The following LRRTM3 variants were observed in gnomAD, a reference collection of about 807,000 sequenced individuals.
LRRTM3 encodes leucine-rich repeat transmembrane neuronal protein 3.
A neutral mutation model predicts 44.7 loss-of-function variants in LRRTM3; 24 were observed. The observed-to-expected ratio is 0.54, with a 90% confidence interval of 0.39 to 0.76. LRRTM3 has a LOEUF of 0.76. Ranked by LOEUF, LRRTM3 falls within the 30% of genes least tolerant of loss-of-function variation. The pLI is 0.00. For synonymous variants in LRRTM3, 277 were observed against 278.7 expected, an observed-to-expected ratio of 0.99 and a Z score of 0.06; for missense variants, 587 against 702.2, an observed-to-expected ratio of 0.84 and a Z score of 1.85.
At chr10:67,043,745 G>C (rs558071029) in intron 2 of LRRTM3, among the ~76,000 whole-genome samples, 4 of 152,078 alleles carry the variant, frequency 2.6e-5, no homozygotes, top group South Asian at 4.1e-4. Context: ...ATTGGTATTT[G>C]TGCTTTGTTC....
At position 67,089,925 on chromosome 10, in the gene LRRTM3, C is replaced by A. The variant is rs1273768144; in HGVS notation, c.1537-7662C>A. Among the ~76,000 whole-genome samples the A allele has an allele frequency of 3.9e-5, 6 of 152,056 alleles. No individual in the cohort carries two copies. The South Asian group carries it at 6.2e-4, about 16-fold the overall frequency. The stretch of plus-strand genomic sequence containing the variant: ...TTCCCAGTCCTGTACTTCTGCAGCA[C>A]CTGCCTAGCTATGTTTTACATAAAG... On this transcript the variant is annotated intron_variant, in intron 2 of 2. Transcript: ENST00000361320.
chr10:67,058,845 C>A (rs1336388737), intron 2 of LRRTM3, among the ~76,000 whole-genome samples: 1 of 152,162 alleles, frequency 6.6e-6, no homozygotes, highest in Non-Finnish European at 1.5e-5. Context: ...TTCTTAGACA[C>A]ATATCAATTT....
chr10:66,958,677 CAT>C (rs780667833), intron 2 of LRRTM3, among the ~76,000 whole-genome samples: 5 of 152,082 alleles, frequency 3.3e-5, no homozygotes, highest in Non-Finnish European at 7.4e-5. Context: ...GCCAATAACA[CAT>C]GTTAAAATTC....
intron 2 of LRRTM3, among the ~76,000 whole-genome samples, chr10:67,011,024 T>C (rs1852293749): frequency 6.6e-6 from 1 of 152,098 alleles, no homozygotes; most frequent in African/African-American, 2.4e-5. Context: ...GAAATTAAGA[T>C]TATTTGTCAA....
At chr10:67,080,292 G>T (rs929806146) in intron 2 of LRRTM3, among the ~76,000 whole-genome samples, 1 of 152,170 alleles carries the variant, frequency 6.6e-6, no homozygotes, top group Non-Finnish European at 1.5e-5. Flanking sequence ...GGTGGAAAGA[G>T]AAGTATCAGC....
At chr10:67,041,717 G>C (rs1854405371) in intron 2 of LRRTM3, among the ~76,000 whole-genome samples, 1 of 152,084 alleles carries the variant, frequency 6.6e-6, no homozygotes, top group Non-Finnish European at 1.5e-5. Flanking sequence ...ATAAAATTGA[G>C]TTCTTACCAT....
intron 2 of LRRTM3, among the ~76,000 whole-genome samples, chr10:66,957,397 T>C (rs1589490356): frequency 2.7e-5 from 1 of 36,834 alleles, no homozygotes; most frequent in East Asian, 5.0e-4. Flanking sequence ...TATATACATA[T>C]ATATATATAT....
In LRRTM3 at chr10:67,100,242, A is replaced by C. The variant is rs191382962; in HGVS notation, c.*2446A>C. The stretch of plus-strand genomic sequence containing the variant: ...AATTCATCTAAAGTGAACGACTATA[A>C]ATAGAAGCAATCACCTTGGAACCAC... On this transcript the variant is annotated 3_prime_UTR_variant, in exon 3 of 3. Transcript: ENST00000361320. Among the ~76,000 whole-genome samples the C allele has an allele frequency of 5.3e-4, 81 of 151,830 alleles. No individual in the cohort carries two copies. Among genetic ancestry groups the C allele is most frequent in the Non-Finnish European group, 1.1e-3 (75 of 67,778 alleles).
chr10:67,078,735 C>T (rs1289367874), intron 2 of LRRTM3, among the ~76,000 whole-genome samples: 2 of 152,078 alleles, frequency 1.3e-5, no homozygotes, highest in African/African-American at 2.4e-5. Context: ...CCAGGATGGT[C>T]TCAATCTCCT....
intron 2 of LRRTM3, among the ~76,000 whole-genome samples, chr10:67,000,791 G>A (rs577046134): frequency 3.3e-5 from 5 of 152,240 alleles, no homozygotes; most frequent in Admixed American, 3.3e-4. Flanking sequence ...AGCGCATTAT[G>A]AAGAGTAGAG....
chr10:67,037,911 AC>A (rs1446812220), intron 2 of LRRTM3, among the ~76,000 whole-genome samples: 2 of 152,144 alleles, frequency 1.3e-5, no homozygotes, highest in Non-Finnish European at 2.9e-5. Flanking sequence ...AAGGTCCAGG[AC>A]AGAAACCCAG....
chr10:67,095,679 T>C (rs1323717212), intron 2 of LRRTM3, among the ~76,000 whole-genome samples: 1 of 151,968 alleles, frequency 6.6e-6, no homozygotes, highest in East Asian at 1.9e-4. Context: ...GAAATGATTC[T>C]GCATATATGA....
intron 2 of LRRTM3, among the ~76,000 whole-genome samples, chr10:67,027,519 C>G (rs1292065032): frequency 6.6e-6 from 1 of 150,686 alleles, no homozygotes; most frequent in Non-Finnish European, 1.5e-5. Context: ...ACTGCAACCT[C>G]TGCTTCCTGG....
At chr10:66,973,294 A>T (rs1419883769) in intron 2 of LRRTM3, among the ~76,000 whole-genome samples, 2 of 152,216 alleles carry the variant, frequency 1.3e-5, no homozygotes. Flanking sequence ...ATTGACAATT[A>T]GAAGAAAATT....
intron 2 of LRRTM3, among the ~76,000 whole-genome samples, chr10:67,078,174 C>A (rs1215523880): frequency 6.6e-6 from 1 of 152,162 alleles, no homozygotes; most frequent in Non-Finnish European, 1.5e-5. Context: ...TAAAAGAACA[C>A]CACTTTTAGG....
chr10:67,020,483 A>C (rs1430962056), intron 2 of LRRTM3, among the ~76,000 whole-genome samples: 1 of 152,202 alleles, frequency 6.6e-6, no homozygotes, highest in African/African-American at 2.4e-5. Context: ...GTTCACTTAC[A>C]GAGTCTAACA....
At chr10:67,034,402 GCTGATATTC>G (rs1163278225) in intron 2 of LRRTM3, among the ~76,000 whole-genome samples, 2 of 152,142 alleles carry the variant, frequency 1.3e-5, no homozygotes, top group African/African-American at 4.8e-5. Context: ...CCCTCAAGAA[GCTGATATTC>G]CTTCTTGCAA....
intron 2 of LRRTM3, among the ~76,000 whole-genome samples, chr10:66,929,971 ACCCC>A (rs1320132914): frequency 2.0e-5 from 3 of 152,044 alleles, no homozygotes; most frequent in Non-Finnish European, 2.9e-5. Context: ...TGGCTTGCCA[ACCCC>A]TACATCTTTA....
At chr10:67,078,758 T>C (rs1174849626) in intron 2 of LRRTM3, among the ~76,000 whole-genome samples, 3 of 152,096 alleles carry the variant, frequency 2.0e-5, no homozygotes, top group Admixed American at 1.3e-4. Flanking sequence ...CCTTGTGATC[T>C]GCCCACCTCG....
Sources: gnomAD v4.1 joint callset for allele counts (sites outside exome capture counted in the v4.1 genomes callset) on GRCh38, gnomAD v4.1.1 for gene constraint, MANE v1.5 for transcripts, NCBI Gene and HGNC (gene_info 2026-07-23, HGNC 2026-07-21) for gene names.